The following RBFOX1 variants were observed in gnomAD, a reference collection of about 807,000 sequenced individuals.
RBFOX1 encodes RNA binding protein fox-1 homolog 1.
A neutral mutation model predicts 57.7 loss-of-function variants in RBFOX1; 8 were observed. The observed-to-expected ratio is 0.14, with a 90% CI of 0.08 to 0.25. The LOEUF is 0.25. Ranked by LOEUF, RBFOX1 falls within the 10% of genes least tolerant of loss-of-function variation. RBFOX1 has a pLI of 1.00. For synonymous variants in RBFOX1, 326 were observed against 222.4 expected (o/e 1.47, Z -4.15); for missense variants, 611 against 548.5 (o/e 1.11, Z -1.14).
At chr16:6,774,210 C>T (rs536925756) in intron 3 of RBFOX1, among the ~76,000 whole-genome samples, 1 of 152,108 alleles carries the variant, frequency 6.6e-6, no homozygotes, top group African/African-American at 2.4e-5. Flanking sequence ...TAGTAGGTTT[C>T]TCTGTCTGTT....
intron 3 of RBFOX1, among the ~76,000 whole-genome samples, chr16:5,866,259 G>T (rs971876160): frequency 6.6e-6 from 1 of 152,148 alleles, no homozygotes; most frequent in Non-Finnish European, 1.5e-5. Flanking sequence ...ATGAGGCATT[G>T]TGCCCAGGCA....
intron 3 of RBFOX1, among the ~76,000 whole-genome samples, chr16:6,773,585 TTG>T (rs113691022): frequency 0.095 from 11,925 of 125,052 alleles, 1,468 homozygotes; most frequent in African/African-American, 0.29. Context: ...TGGGGTGCAT[TTG>T]TGTGTGTGTG....
chr16:6,653,599 G>C (rs1295673652), intron 2 of RBFOX1, among the ~76,000 whole-genome samples: 1 of 152,120 alleles, frequency 6.6e-6, no homozygotes, highest in Non-Finnish European at 1.5e-5. Context: ...ATGAATGAGT[G>C]GATGAGTGGA....
intron 5 of RBFOX1, among the ~76,000 whole-genome samples, chr16:7,565,114 C>A (rs535691665): frequency 6.6e-6 from 1 of 152,262 alleles, no homozygotes; most frequent in East Asian, 1.9e-4. Flanking sequence ...TGTGAGAAGA[C>A]CCGAAGTGTG....
intron 3 of RBFOX1, among the ~76,000 whole-genome samples, chr16:6,860,206 A>G (rs747824952): frequency 5.3e-5 from 8 of 152,206 alleles, no homozygotes; most frequent in Non-Finnish European, 1.2e-4. Flanking sequence ...AATTCATTCA[A>G]CAATATATAT....
intron 2 of RBFOX1, among the ~76,000 whole-genome samples, chr16:6,368,693 T>C (rs1396182951): frequency 6.6e-6 from 1 of 152,232 alleles, no homozygotes; most frequent in Non-Finnish European, 1.5e-5. Flanking sequence ...TCACCATTCA[T>C]TGAACAAATG....
chr16:5,973,485 C>A lies in RBFOX1; in HGVS notation c.351+106150C>A, dbSNP rs190950531. On this transcript the variant is annotated intron_variant, in intron 4 of 19. Coordinates refer to the RBFOX1 transcript ENST00000641259. The stretch of plus-strand genomic sequence containing the variant: ...AGCAGTAAAATGGGGATAATGATGC[C>A]TTCCCTAGGTCAGAGTCAGAAAAGT... 2.3e-3 allele frequency among the ~76,000 whole-genome samples: 350 copies of A among 152,266 alleles called. 2 individuals carry two copies. The highest frequency in any genetic ancestry group is 0.014 in the Middle Eastern group (4 of 294).
intron 4 of RBFOX1, among the ~76,000 whole-genome samples, chr16:7,259,761 G>C (rs1160308485): frequency 6.6e-6 from 1 of 152,124 alleles, no homozygotes; most frequent in African/African-American, 2.4e-5. Flanking sequence ...TCAATAGCTG[G>C]TGAGTTAATT....
Position 6,913,800 on chromosome 16 carries a change from C to T in RBFOX1, c.-15-138257C>T, listed in dbSNP as rs986711556. On this transcript the variant is annotated intron_variant, in intron 3 of 15. Coordinates refer to ENST00000550418, the MANE Select transcript of RBFOX1 (RefSeq NM_018723.4). ...CTATTGAGTCTGAAACACACAGTGA[C>T]AGCAGGCATGCTAAACTACTTCCCA... Among the ~76,000 whole-genome samples the T allele has an allele frequency of 2.6e-5, 4 of 152,180 alleles. No individual in the cohort carries two copies. In the East Asian group the frequency reaches 5.8e-4, roughly 22 times the overall value.
intron 4 of RBFOX1, among the ~76,000 whole-genome samples, chr16:7,415,384 C>A (rs187016904): frequency 6.6e-6 from 1 of 152,210 alleles, no homozygotes; most frequent in Non-Finnish European, 1.5e-5. Context: ...TAGCTCTGAG[C>A]CAGTGCACTT....
chr16:7,557,631 A>T (rs1429881220), intron 5 of RBFOX1, among the ~76,000 whole-genome samples: 6 of 126,380 alleles, frequency 4.7e-5, no homozygotes, highest in Non-Finnish European at 9.3e-5. Context: ...AAAAAAAAAA[A>T]AAAAAAAAAA....
At position 7,555,637 on chromosome 16, in the gene RBFOX1, C is replaced by T. The variant is rs1321244356; in HGVS notation, c.271-24140C>T. ...CTCTGACGTCATCTCCTTTTCTCTT[C>T]CCCTTGAACGTTCTGTACCAGCCTC... On this transcript the variant is annotated intron_variant, in intron 5 of 15. Transcript: ENST00000550418. Among the ~76,000 whole-genome samples, 6 of 152,146 alleles carry T rather than the reference C, an allele frequency of 3.9e-5. No homozygotes were observed. The East Asian group carries it at 9.6e-4, about 24-fold the overall frequency.
intron 3 of RBFOX1, among the ~76,000 whole-genome samples, chr16:5,642,377 C>T (rs1390610226): frequency 6.6e-6 from 1 of 152,078 alleles, no homozygotes; most frequent in Non-Finnish European, 1.5e-5. Flanking sequence ...CAGACCTTTC[C>T]AGGTTGATAC....
intron 3 of RBFOX1, among the ~76,000 whole-genome samples, chr16:6,728,496 G>C (rs1175215453): frequency 6.6e-6 from 1 of 152,180 alleles, no homozygotes; most frequent in South Asian, 2.1e-4. Flanking sequence ...ATAAAGGGAA[G>C]ATAAAGTTTT....
At chr16:5,618,938 C>T (rs936341635) in intron 3 of RBFOX1, among the ~76,000 whole-genome samples, 2 of 152,156 alleles carry the variant, frequency 1.3e-5, no homozygotes, top group African/African-American at 4.8e-5. Flanking sequence ...GGGCAGATGA[C>T]TTTGGGTAGC....
intron 14 of RBFOX1, among the ~76,000 whole-genome samples, chr16:7,707,707 C>T (rs541415232): frequency 6.6e-6 from 1 of 152,072 alleles, no homozygotes; most frequent in African/African-American, 2.4e-5. Context: ...CAGCTAATGC[C>T]GAAAACTTAT....
chr16:6,318,047 G>C (rs2081320626), intron 2 of RBFOX1, among the ~76,000 whole-genome samples: 2 of 152,228 alleles, frequency 1.3e-5, no homozygotes, highest in South Asian at 4.2e-4. Context: ...TGATCAAAGG[G>C]AATTCTTTTG....
At chr16:6,726,926 G>A (rs779320232) in intron 3 of RBFOX1, among the ~76,000 whole-genome samples, 4 of 151,898 alleles carry the variant, frequency 2.6e-5, no homozygotes, top group Non-Finnish European at 5.9e-5. Context: ...GACACTTTCA[G>A]GACACAATTA....
intron 4 of RBFOX1, among the ~76,000 whole-genome samples, chr16:7,399,799 C>T (rs186179078): frequency 7.9e-5 from 12 of 152,228 alleles, no homozygotes; most frequent in African/African-American, 2.2e-4. Context: ...GTCACAGGCA[C>T]GAGGGGTTAA....
Sources: gnomAD v4.1 joint callset for allele counts (sites outside exome capture counted in the v4.1 genomes callset) on GRCh38, gnomAD v4.1.1 for gene constraint, MANE v1.5 for transcripts, NCBI Gene and HGNC (gene_info 2026-07-23, HGNC 2026-07-21) for gene names.